Variants in CACNA2D2 observed in about 807,000 individuals in gnomAD.
CACNA2D2 encodes the protein calcium voltage-gated channel auxiliary subunit alpha2delta 2.
A neutral mutation model predicts 166.4 loss-of-function variants in CACNA2D2; 48 were observed. That is an observed-to-expected ratio of 0.29 (90% CI 0.23 to 0.37). The LOEUF is 0.37. CACNA2D2 is among the 10% of genes least tolerant of loss of function. CACNA2D2 has a pLI of 1.00. For missense variants in CACNA2D2, 1,122 were observed against 1,433.0 expected (o/e 0.78, Z 3.50); for synonymous variants, 561 against 573.7 (o/e 0.98, Z 0.32).
Position 50,387,604 on chromosome 3 carries a change from G to A in CACNA2D2, c.474C>T (p.Asp158=), listed in dbSNP as rs1008127042. 8 of 1,613,376 alleles carry A rather than the reference G, an allele frequency of 5.0e-6. No individual in the cohort carries two copies. The African/African-American group carries it at 6.7e-5, about 13-fold the overall frequency. ...HRWQDNIKEE[D]IVYYDAKADA... Reference sequence around the variant, plus strand: ...CAGCCTTGGCGTCATAGTACACGATGTCTTCCTCCTGGTGAGGGGAGAGAG... The same window carrying A: ...CAGCCTTGGCGTCATAGTACACGATATCTTCCTCCTGGTGAGGGGAGAGAG... Residue 158 remains aspartate (D), a synonymous_variant, in exon 5 of 38, where the codon GAC becomes GAT. Coordinates refer to ENST00000424201, the MANE Select transcript of CACNA2D2 (RefSeq NM_006030.4).
chr3:50,421,276 A>G (rs1210993594), intron 3 of CACNA2D2, among the ~76,000 whole-genome samples: 5 of 152,248 alleles, frequency 3.3e-5, no homozygotes. Flanking sequence ...GCAGTCACGC[A>G]GGGAGATGGG....
At chr3:50,383,012 G>C (rs184400440) in intron 6 of CACNA2D2, among the ~76,000 whole-genome samples, 1 of 152,246 alleles carries the variant, frequency 6.6e-6, no homozygotes, top group Non-Finnish European at 1.5e-5. Flanking sequence ...ATCATGCTGA[G>C]TTGGGAAAGG....
chr3:50,436,580 T>C (rs72936989), intron 2 of CACNA2D2, among the ~76,000 whole-genome samples: 5,013 of 152,282 alleles, frequency 0.033, 268 homozygotes, highest in African/African-American at 0.11. Flanking sequence ...AAGTCACTCA[T>C]CTCTGAACCT....
rs536869186 is a variant in CACNA2D2, at chr3:50,503,309, C to G, written c.115G>C (p.Gly39Arg). ...AGCAGCCACAGCGGGCGCGGGGGCC[C>G]GGACGTCGGGCGCCGGGTGCCGGGG... The part of the protein sequence containing the change: ...PGPGTRRPTS[G>R]PPRPLWLLLP... Residue 39 changes from glycine to arginine, a missense_variant, in exon 1 of 38, where the codon GGG becomes CGG. Coordinates refer to ENST00000424201, the MANE Select transcript of CACNA2D2 (RefSeq NM_006030.4). The G allele has an allele frequency of 4.7e-6, 4 of 842,902 alleles. No homozygotes were observed. Among genetic ancestry groups the G allele is most frequent in the Non-Finnish European group, 4.6e-6 (3 of 648,202 alleles). The allele number at this position is 842,902 out of a possible 1,614,324, so 52.2% of individuals were successfully genotyped here.
intron 1 of CACNA2D2, among the ~76,000 whole-genome samples, chr3:50,484,599 C>T (rs539334115): frequency 4.3e-4 from 66 of 152,342 alleles, no homozygotes; most frequent in African/African-American, 1.3e-3. Context: ...CACCTCCCTC[C>T]GGTCTCCACA....
At chr3:50,481,290 G>C (rs987822767) in intron 1 of CACNA2D2, among the ~76,000 whole-genome samples, 1 of 152,076 alleles carries the variant, frequency 6.6e-6, no homozygotes, top group Non-Finnish European at 1.5e-5. Context: ...CAAGGGGCTC[G>C]GAACACCCGA....
intron 3 of CACNA2D2, among the ~76,000 whole-genome samples, chr3:50,417,182 C>G (rs570444351): frequency 6.6e-6 from 1 of 152,320 alleles, no homozygotes; most frequent in South Asian, 2.1e-4. Flanking sequence ...TCTCCTCAGA[C>G]TCTTCTGGTG....
intron 3 of CACNA2D2, among the ~76,000 whole-genome samples, chr3:50,420,610 G>C (rs1488385442): frequency 6.6e-6 from 1 of 152,130 alleles, no homozygotes; most frequent in African/African-American, 2.4e-5. Context: ...ACCAAACCTT[G>C]GTCAGGGTGG....
At chr3:50,452,577 T>C (rs1709152256) in intron 2 of CACNA2D2, among the ~76,000 whole-genome samples, 1 of 152,142 alleles carries the variant, frequency 6.6e-6, no homozygotes, top group African/African-American at 2.4e-5. Context: ...GGAAGTGTAA[T>C]TATAAGAACT....
chr3:50,484,059 C>G (rs570326035), intron 1 of CACNA2D2, among the ~76,000 whole-genome samples: 1 of 152,250 alleles, frequency 6.6e-6, no homozygotes. Flanking sequence ...GTGTCCGAAA[C>G]GAGATCCGAG....
chr3:50,399,080 A>G (rs566923291), intron 3 of CACNA2D2, among the ~76,000 whole-genome samples: 1 of 152,310 alleles, frequency 6.6e-6, no homozygotes, highest in East Asian at 1.9e-4. Flanking sequence ...GGCCCCCTGC[A>G]TGCCAGGAGG....
chr3:50,407,397 C>A (rs1187298724), intron 3 of CACNA2D2, among the ~76,000 whole-genome samples: 1 of 152,008 alleles, frequency 6.6e-6, no homozygotes, highest in Admixed American at 6.5e-5. Flanking sequence ...GGGCTCTGAC[C>A]CCTGCTCTGA....
chr3:50,472,693 G>A (rs911423221), intron 2 of CACNA2D2, among the ~76,000 whole-genome samples: 10 of 152,128 alleles, frequency 6.6e-5, no homozygotes, highest in African/African-American at 2.2e-4. Flanking sequence ...AAGAGGGCAG[G>A]TTCCTGGCTG....
In CACNA2D2 at chr3:50,475,992, G is replaced by A. The variant is rs1575749265; in HGVS notation, c.288+126C>T. ...AGTCATGTCCCACCTGCCCCCACGG[G>A]CCCATCAGGTCCCACCACACCAGGA... is the stretch of plus-strand genomic sequence containing the variant. On this transcript the variant is annotated intron_variant, in intron 2 of 37. Transcript: ENST00000424201. The A allele has an allele frequency of 5.2e-6, 4 of 764,986 alleles. No homozygotes were observed. In the East Asian group the frequency reaches 8.3e-5, roughly 16 times the overall value. 47.4% of individuals were successfully genotyped at this position (764,986 alleles called of 1,614,324 possible). A position where few individuals can be genotyped will look rare whatever the true frequency, so the allele number is the denominator to read the frequency against.
At chr3:50,497,950 T>C (rs1698792093) in intron 1 of CACNA2D2, among the ~76,000 whole-genome samples, 1 of 152,038 alleles carries the variant, frequency 6.6e-6, no homozygotes, top group Non-Finnish European at 1.5e-5. Flanking sequence ...AAACCTGACA[T>C]GAAGAGAATC....
intron 5 of CACNA2D2, among the ~76,000 whole-genome samples, chr3:50,386,954 C>A (rs2106699674): frequency 6.6e-6 from 1 of 152,344 alleles, no homozygotes; most frequent in Admixed American, 6.5e-5. Context: ...AGTCATACAG[C>A]TTTCACACGA....
intron 1 of CACNA2D2, among the ~76,000 whole-genome samples, chr3:50,493,860 G>A (rs888443046): frequency 3.3e-5 from 5 of 152,272 alleles, no homozygotes; most frequent in East Asian, 1.9e-4. Context: ...GGCCCTGGGC[G>A]AAGCCAGCAG....
chr3:50,445,083 C>T lies in CACNA2D2; in HGVS notation c.289-10654G>A, dbSNP rs556478762. ...ATGGCAGCCCCAGGCCTGCGTGAGG[C>T]TCTGTGGGTGTCCATTCACACCTCA... On this transcript the variant is annotated intron_variant, in intron 2 of 37. Transcript: ENST00000424201. 4.3e-3 allele frequency among the ~76,000 whole-genome samples: 657 copies of T among 152,342 alleles called. 4 individuals carry two copies. The highest frequency in any genetic ancestry group is 0.015 in the African/African-American group (632 of 41,578).
intron 22 of CACNA2D2, among the ~76,000 whole-genome samples, chr3:50,373,618 G>GGC (rs1271953902): frequency 1.1e-4 from 10 of 87,674 alleles, no homozygotes; most frequent in African/African-American, 7.0e-4. Flanking sequence ...TGGGACTGAA[G>GGC]GGGGGGGGGT....
Sources: allele counts gnomAD v4.1 joint callset (sites outside exome capture counted in the v4.1 genomes callset), GRCh38; gene constraint gnomAD v4.1.1; transcripts MANE v1.5; gene names NCBI Gene and HGNC (gene_info 2026-07-23, HGNC 2026-07-21).